Variants in PRKCI observed in about 807,000 individuals in gnomAD.
PRKCI encodes the protein protein kinase C iota.
A neutral mutation model predicts 84.0 loss-of-function variants in PRKCI; 43 were observed. The ratio of observed to expected loss-of-function variants is 0.51; its 90% CI spans 0.40 to 0.66. The LOEUF (loss-of-function observed/expected upper bound fraction) is 0.66. PRKCI is among the 30% of genes least tolerant of loss of function. The pLI, the probability that PRKCI is intolerant of heterozygous loss-of-function variation, is 0.00. For synonymous variants in PRKCI, 216 were observed against 234.4 expected (o/e 0.92, Z 0.72); for missense variants, 459 against 745.6 (o/e 0.62, Z 4.48).
chr3:170,253,275 A>G (rs1733498907), intron 2 of PRKCI, among the ~76,000 whole-genome samples: 1 of 152,338 alleles, frequency 6.6e-6, no homozygotes, highest in Non-Finnish European at 1.5e-5. Context: ...ACTGTTCTCC[A>G]TAGTGACTGT....
rs748182793 is a variant in PRKCI, at chr3:170,260,049, T to C, written c.304T>C (p.Leu102=). The change falls in exon 3 of 18, where the codon TTG becomes CTG. Residue 102 remains leucine (L), a synonymous_variant. Transcript: ENST00000295797. ...LYELNKDSEL[L]IHVFPCVPER... ...TGAGCTAAACAAGGATTCTGAACTCTTGATTCATGGTAAGAGAGTAGTCAT... is the reference window on the plus strand; with the variant it reads ...TGAGCTAAACAAGGATTCTGAACTCCTGATTCATGGTAAGAGAGTAGTCAT... 6.2e-7 allele frequency: 1 copy of C among 1,604,730 alleles called. No homozygotes were observed. Among genetic ancestry groups the C allele is most frequent in the South Asian group, 1.1e-5 (1 of 90,290 alleles).
intron 9 of PRKCI, among the ~76,000 whole-genome samples, chr3:170,280,863 A>G (rs1265944012): frequency 6.6e-6 from 1 of 152,160 alleles, no homozygotes; most frequent in African/African-American, 2.4e-5. Flanking sequence ...TTTCTTATAG[A>G]TGGTATAAGA....
rs1469827406 is a variant in PRKCI, at chr3:170,304,359, T to G, written c.*1232T>G. 6.6e-6 allele frequency: 1 copy of G among 152,258 alleles called. No individual in the cohort carries two copies. Among genetic ancestry groups the G allele is most frequent in the Non-Finnish European group, 1.5e-5 (1 of 68,044 alleles). 9.4% of individuals were successfully genotyped at this position (152,258 alleles called of 1,614,324 possible). A position where few individuals can be genotyped will look rare whatever the true frequency, so the allele number is the denominator to read the frequency against. ...AGGCACTCATTATTGTTACCAAACT[T>G]GTAAAAGCATTCCATGTATTCAGTG... is the stretch of plus-strand genomic sequence containing the variant. On this transcript the variant is annotated 3_prime_UTR_variant, in exon 18 of 18. Coordinates refer to ENST00000295797, the MANE Select transcript of PRKCI (RefSeq NM_002740.6).
At chr3:170,235,070 T>A (rs1010381082) in intron 1 of PRKCI, among the ~76,000 whole-genome samples, 160 bp from the exon 2 acceptor site, 5 of 152,082 alleles carry the variant, frequency 3.3e-5, no homozygotes, top group African/African-American at 4.8e-5. Context: ...CCCAGCTTGA[T>A]ATTTTAATTT....
rs541889294 is a variant in PRKCI, at chr3:170,227,907, A to T, written c.101+5137A>T. Among the ~76,000 whole-genome samples, 10 of 152,308 alleles carry T rather than the reference A, an allele frequency of 6.6e-5. 1 individual carries two copies. The highest frequency in any genetic ancestry group is 6.2e-4 in the South Asian group (3 of 4,826). On this transcript the variant is annotated intron_variant, in intron 1 of 17. Coordinates refer to ENST00000295797, the MANE Select transcript of PRKCI (RefSeq NM_002740.6). Reference sequence around the variant, plus strand: ...GTAGTCCAGATGAGATATTTTAAGGAGAGAGAAAAGAGTGTATGGATTCGG... The same window carrying T: ...GTAGTCCAGATGAGATATTTTAAGGTGAGAGAAAAGAGTGTATGGATTCGG...
chr3:170,223,549 C>G (rs529985713), intron 1 of PRKCI, among the ~76,000 whole-genome samples: 38 of 152,300 alleles, frequency 2.5e-4, no homozygotes, highest in African/African-American at 7.2e-4. Flanking sequence ...GTTCTAAGTT[C>G]ATTGTGTTAA....
intron 2 of PRKCI, among the ~76,000 whole-genome samples, chr3:170,257,825 C>T (rs998499333): frequency 2.3e-4 from 35 of 151,892 alleles, no homozygotes; most frequent in Non-Finnish European, 1.0e-4. Flanking sequence ...CCACCACGCC[C>T]AGCTAATTTT....
intron 2 of PRKCI, among the ~76,000 whole-genome samples, chr3:170,238,173 AC>A (rs1418544713): frequency 6.6e-6 from 1 of 152,012 alleles, no homozygotes; most frequent in East Asian, 1.9e-4. Flanking sequence ...GACCAGCCTG[AC>A]CAGCATAGTG....
intron 1 of PRKCI, among the ~76,000 whole-genome samples, chr3:170,226,891 G>A (rs999709973): frequency 6.6e-5 from 10 of 152,220 alleles, no homozygotes; most frequent in African/African-American, 1.4e-4. Context: ...AATAGAGCAT[G>A]CTAGCCTGGT....
intron 12 of PRKCI, 66 bp downstream of exon 12, chr3:170,284,662 C>A: frequency 6.7e-7 from 1 of 1,490,602 alleles, no homozygotes. Flanking sequence ...AAAATAACTT[C>A]ATGTTTAAAG....
chr3:170,302,894 A>G (rs1441654962), intron 17 of PRKCI, 146 bp from the exon 18 acceptor site: 1 of 540,184 alleles, frequency 1.9e-6, no homozygotes, highest in Admixed American at 4.0e-5. Flanking sequence ...TGATTCGTCT[A>G]GAAAATCTGG....
intron 3 of PRKCI, among the ~76,000 whole-genome samples, chr3:170,261,060 G>A (rs7621050): frequency 0.081 from 12,286 of 151,644 alleles, 1,200 homozygotes; most frequent in African/African-American, 0.23. Context: ...AGGTTCAAGC[G>A]ATCCTCCCAC....
chr3:170,236,422 A>G (rs1402959049), intron 2 of PRKCI, among the ~76,000 whole-genome samples: 1 of 152,144 alleles, frequency 6.6e-6, no homozygotes, highest in African/African-American at 2.4e-5. Flanking sequence ...TTTAATTTTG[A>G]ATATGTGTTG....
intron 7 of PRKCI, among the ~76,000 whole-genome samples, chr3:170,273,986 A>T (rs1030831046): frequency 1.3e-5 from 2 of 151,980 alleles, no homozygotes; most frequent in Non-Finnish European, 2.9e-5. Context: ...AAAAAAAAGT[A>T]TGTAAACTAC....
At chr3:170,266,375 G>A (rs1733856508) in intron 4 of PRKCI, among the ~76,000 whole-genome samples, 1 of 152,184 alleles carries the variant, frequency 6.6e-6, no homozygotes, top group African/African-American at 2.4e-5. Context: ...AACATCAGTA[G>A]TGGGAGTTGA....
chr3:170,266,794 A>G (rs1173237847), intron 4 of PRKCI, among the ~76,000 whole-genome samples: 1 of 152,102 alleles, frequency 6.6e-6, no homozygotes, highest in East Asian at 1.9e-4. Flanking sequence ...GTAGTTTGAG[A>G]CCAGCCTGGC....
intron 7 of PRKCI, among the ~76,000 whole-genome samples, chr3:170,274,607 A>T (rs193216848): frequency 3.3e-5 from 5 of 152,372 alleles, no homozygotes; most frequent in Non-Finnish European, 7.3e-5. Context: ...GAGGTAGAAC[A>T]GCATGATCTT....
intron 2 of PRKCI, among the ~76,000 whole-genome samples, chr3:170,236,703 A>G (rs914459982): frequency 6.6e-5 from 10 of 151,964 alleles, no homozygotes; most frequent in African/African-American, 2.4e-4. Context: ...CTCTACAAAA[A>G]GTTTTTAAAA....
At chr3:170,292,315 G>A (rs1031919356) in intron 13 of PRKCI, among the ~76,000 whole-genome samples, 13 of 152,212 alleles carry the variant, frequency 8.5e-5, no homozygotes, top group Non-Finnish European at 1.5e-5. Context: ...ACTCGCCTAA[G>A]GTCAAGGATT....
Sources: allele counts gnomAD v4.1 joint callset (sites outside exome capture counted in the v4.1 genomes callset), GRCh38; gene constraint gnomAD v4.1.1; transcripts MANE v1.5; gene names NCBI Gene and HGNC (gene_info 2026-07-23, HGNC 2026-07-21).